Variants in H1-2 observed in about 807,000 individuals in gnomAD.
The protein encoded by H1-2 is histone H1.2.
A neutral mutation model predicts 7.2 loss-of-function variants in H1-2; 7 were observed. The ratio of observed to expected loss-of-function variants is 0.97; its 90% confidence interval spans 0.55 to 1.82. The LOEUF is 1.82. H1-2 is among the 40% of genes most tolerant of loss of function. The pLI, the probability that H1-2 is intolerant of heterozygous loss-of-function variation, is 0.00. For missense variants in H1-2, 703 were observed against 276.6 expected, an observed-to-expected ratio of 2.54 and a Z score of -10.94; for synonymous variants, 300 against 118.2, an observed-to-expected ratio of 2.54 and a Z score of -9.98.
At position 26,055,750 on chromosome 6, in the gene H1-2, G is replaced by A. The variant is rs373098851; in HGVS notation, c.*37C>T. On this transcript the variant is annotated 3_prime_UTR_variant, in exon 1 of 1. Transcript: ENST00000343677. ...TTTTATTGAGATCAGTGGTGGCTCT[G>A]AAAAGAGCCTTTTGGGTTTTAGAAG... 1.3e-6 allele frequency: 2 copies of A among 1,547,542 alleles called. No individual in the cohort carries two copies. Among genetic ancestry groups the A allele is most frequent in the South Asian group, 1.2e-5 (1 of 83,414 alleles).
chr6:26,056,231 C>A lies in H1-2; in HGVS notation c.198G>T (p.Leu66Phe), dbSNP rs778270726. The stretch of plus-strand genomic sequence containing the variant: ...TCTCCACATCATAGCCGGCGGCAGC[C>A]AACGCTTTTTTCAGAGCAGCCAGAG... Reference protein sequence around the residue: ...GVSLAALKKALAAAGYDVEKN... With the variant: ...GVSLAALKKAFAAAGYDVEKN... Residue 66 changes from leucine (L) to phenylalanine (F), a missense_variant, in exon 1 of 1, where the codon TTG becomes TTT. Leu to Phe is a conservative substitution (Grantham distance 22, BLOSUM62 0). Coordinates refer to ENST00000343677, the MANE Select transcript of H1-2 (RefSeq NM_005319.4). The A allele has an allele frequency of 6.2e-7, 1 of 1,614,230 alleles. No individual in the cohort carries two copies. Among genetic ancestry groups the A allele is most frequent in the Non-Finnish European group, 8.5e-7 (1 of 1,180,044 alleles).
In H1-2 at chr6:26,056,211, A is replaced by C. The variant is rs768011457; in HGVS notation, c.218T>G (p.Val73Gly). The C allele has an allele frequency of 1.2e-6, 2 of 1,614,042 alleles. No individual in the cohort carries two copies. The highest frequency in any genetic ancestry group is 2.7e-5 in the African/African-American group (2 of 74,910). The change falls in exon 1 of 1, where the codon GTG becomes GGG. Residue 73 changes from valine to glycine, a missense_variant. By Grantham distance (109) the Val-to-Gly change is moderately radical. Transcript: ENST00000343677. ...TTTGATACGGCTGTTGTTTTTCTCC[A>C]CATCATAGCCGGCGGCAGCCAACGC... ...KKALAAAGYD[V>G]EKNNSRIKLG... is the part of the protein sequence containing the mutation.
Position 26,055,911 on chromosome 6 carries a change from C to T in H1-2, c.518G>A (p.Ser173Asn), listed in dbSNP as rs145521943. 65 of 1,614,068 alleles carry T rather than the reference C, an allele frequency of 4.0e-5. No individual in the cohort carries two copies. Among genetic ancestry groups the T allele is most frequent in the South Asian group, 7.7e-5 (7 of 91,086 alleles). ...AATVTKKVAK[S>N]PKKAKVAKPK... ...CTTCGCAACCTTGGCCTTCTTTGGG[C>T]TCTTAGCCACTTTCTTGGTTACAGT... The change falls in exon 1 of 1, where the codon AGC becomes AAC. Residue 173 changes from serine to asparagine, a missense_variant. By Grantham distance (46) the Ser-to-Asn change is conservative (BLOSUM62 1). Coordinates refer to ENST00000343677, the MANE Select transcript of H1-2 (RefSeq NM_005319.4).
rs1418126999 is a variant in H1-2 at position 26,056,087 on chromosome 6, C to T, written c.342G>A (p.Gly114=). The part of the protein sequence containing the change: ...SFKLNKKAAS[G]EAKPKVKKAG... ...CCTTTTTAACCTTGGGCTTGGCTTCCCCGGAGGCTGCCTTCTTGTTGAGTT... is the reference window on the plus strand; with the variant it reads ...CCTTTTTAACCTTGGGCTTGGCTTCTCCGGAGGCTGCCTTCTTGTTGAGTT... Residue 114 remains glycine (G), a synonymous_variant, in exon 1 of 1, where the codon GGG becomes GGA. Transcript: ENST00000343677. 2 of 1,614,182 alleles carry T rather than the reference C, an allele frequency of 1.2e-6. No homozygotes were observed. The highest frequency in any genetic ancestry group is 1.1e-5 in the South Asian group (1 of 91,086).
rs79208414 is a variant in H1-2 at position 26,056,053 on chromosome 6, T to G, written c.376A>C (p.Thr126Pro). The G allele has an allele frequency of 6.2e-7, 1 of 1,614,140 alleles. No homozygotes were observed. The highest frequency in any genetic ancestry group is 8.5e-7 in the Non-Finnish European group (1 of 1,180,026). ...AKPKVKKAGG[T>P]KPKKPVGAAK... ...GCCCCAACTGGCTTCTTAGGTTTGG[T>G]TCCGCCCGCCTTTTTAACCTTGGGC... is the stretch of plus-strand genomic sequence containing the variant. The change falls in exon 1 of 1, where the codon ACC (threonine) becomes CCC (proline). Residue 126 changes from threonine (T) to proline (P), a missense_variant. Physicochemically the swap from Thr to Pro is conservative, Grantham distance 38. Transcript: ENST00000343677.
rs890992944 is a variant in H1-2, at chr6:26,056,003, A to G, written c.426T>C (p.Ala142=). ...CGCTCTTCTTCGGAGTTGCGCCGCC[A>G]GCCGCCTTCTTGGGCTTCTTGGCTG... The part of the protein sequence containing the change: ...VGAAKKPKKA[A]GGATPKKSAK... The change falls in exon 1 of 1, where the codon GCT becomes GCC. Residue 142 remains alanine (A), a synonymous_variant. Transcript: ENST00000343677. 6.2e-7 allele frequency: 1 copy of G among 1,613,968 alleles called. No homozygotes were observed. Among genetic ancestry groups the G allele is most frequent in the Non-Finnish European group, 8.5e-7 (1 of 1,180,024 alleles).
Position 26,056,068 on chromosome 6 carries a change from T to TA in H1-2, c.360dup (p.Lys121Ter). 1.2e-6 allele frequency: 2 copies of TA among 1,614,200 alleles called. No homozygotes were observed. Among genetic ancestry groups the TA allele is most frequent in the Non-Finnish European group, 1.7e-6 (2 of 1,180,040 alleles). On this transcript the variant is annotated frameshift_variant, in exon 1 of 1. Transcript: ENST00000343677. LOFTEE classifies it high-confidence loss of function. The stretch of plus-strand genomic sequence containing the variant: ...TTAGGTTTGGTTCCGCCCGCCTTTT[T>TA]AACCTTGGGCTTGGCTTCCCCGGAG...
Position 26,056,458 on chromosome 6 carries a change from G to A in H1-2, c.-30C>T, listed in dbSNP as rs376740554. 7.1e-6 allele frequency: 11 copies of A among 1,541,082 alleles called. No individual in the cohort carries two copies. The highest frequency in any genetic ancestry group is 3.8e-5 in the South Asian group (3 of 78,588). Reference sequence around the variant, plus strand: ...AGAATCAAAAACTCGGGTACAAGTGGCAAAGCGCCGATGAAGCAGCGCCTG... The same window carrying A: ...AGAATCAAAAACTCGGGTACAAGTGACAAAGCGCCGATGAAGCAGCGCCTG... On this transcript the variant is annotated 5_prime_UTR_variant, in exon 1 of 1. Coordinates refer to ENST00000343677, the MANE Select transcript of H1-2 (RefSeq NM_005319.4).
rs1172471953 is a variant in H1-2 at position 26,056,115 on chromosome 6, A to T, written c.314T>A (p.Phe105Tyr). 3 of 1,614,128 alleles carry T rather than the reference A, an allele frequency of 1.9e-6. No individual in the cohort carries two copies. The South Asian group carries it at 3.3e-5, about 18-fold the overall frequency. ...GGAGGCTGCCTTCTTGTTGAGTTTAAAGGAGCCAGAAGCACCGGTGCCTTT... is the reference window on the plus strand; with the variant it reads ...GGAGGCTGCCTTCTTGTTGAGTTTATAGGAGCCAGAAGCACCGGTGCCTTT... Reference protein sequence around the residue: ...QTKGTGASGSFKLNKKAASGE... With the variant: ...QTKGTGASGSYKLNKKAASGE... Residue 105 changes from phenylalanine to tyrosine, a missense_variant, in exon 1 of 1, where the codon TTT (phenylalanine) becomes TAT (tyrosine). Physicochemically the swap from Phe to Tyr is conservative, Grantham distance 22. Coordinates refer to ENST00000343677, the MANE Select transcript of H1-2 (RefSeq NM_005319.4).
Position 26,055,979 on chromosome 6 carries a change from G to C in H1-2, c.450C>G (p.Ser150Arg), listed in dbSNP as rs1216443550. Residue 150 changes from serine to arginine, a missense_variant, in exon 1 of 1, where the codon AGC becomes AGG. Ser to Arg is a moderately radical substitution (Grantham distance 110, BLOSUM62 -1). Transcript: ENST00000343677. ...TCGCTTTCTTCGGTGTTTTCTTAGC[G>C]CTCTTCTTCGGAGTTGCGCCGCCAG... ...KAAGGATPKK[S>R]AKKTPKKAKK... The C allele has an allele frequency of 6.2e-7, 1 of 1,613,942 alleles. No homozygotes were observed. The highest frequency in any genetic ancestry group is 8.5e-7 in the Non-Finnish European group (1 of 1,180,000).
In H1-2 at chr6:26,056,437, T is replaced by A. The variant is rs200023478; in HGVS notation, c.-9A>T. On this transcript the variant is annotated 5_prime_UTR_variant, in exon 1 of 1. Coordinates refer to ENST00000343677, the MANE Select transcript of H1-2 (RefSeq NM_005319.4). ...GGAGCAGTCTCGGACATGTTGAGAA[T>A]CAAAAACTCGGGTACAAGTGGCAAA... 8.3e-6 allele frequency: 13 copies of A among 1,559,994 alleles called. No individual in the cohort carries two copies. Among genetic ancestry groups the A allele is most frequent in the Admixed American group, 4.1e-5 (2 of 48,210 alleles).
At position 26,056,448 on chromosome 6, in the gene H1-2, G is replaced by C. The variant is rs778395124; in HGVS notation, c.-20C>G. ...GGACATGTTGAGAATCAAAAACTCG[G>C]GTACAAGTGGCAAAGCGCCGATGAA... is the stretch of plus-strand genomic sequence containing the variant. On this transcript the variant is annotated 5_prime_UTR_variant, in exon 1 of 1. Transcript: ENST00000343677. 1.1e-5 allele frequency: 17 copies of C among 1,548,850 alleles called. No individual in the cohort carries two copies. The highest frequency in any genetic ancestry group is 1.4e-5 in the African/African-American group (1 of 72,320).
chr6:26,056,139 T>G lies in H1-2; in HGVS notation c.290A>C (p.Lys97Thr). 4 of 1,614,216 alleles carry G rather than the reference T, an allele frequency of 2.5e-6. No homozygotes were observed. Among genetic ancestry groups the G allele is most frequent in the Non-Finnish European group, 3.4e-6 (4 of 1,180,024 alleles). The change falls in exon 1 of 1, where the codon AAA becomes ACA. Residue 97 changes from lysine (K) to threonine (T), a missense_variant. By Grantham distance (78) the Lys-to-Thr change is moderately conservative (BLOSUM62 -1). Transcript: ENST00000343677. The stretch of plus-strand genomic sequence containing the variant: ...AAAGGAGCCAGAAGCACCGGTGCCT[T>G]TCGTTTGCACCAGAGTGCCCTTGCT... ...LVSKGTLVQT[K>T]GTGASGSFKL...
chr6:26,055,912 T>C lies in H1-2; in HGVS notation c.517A>G (p.Ser173Gly), dbSNP rs372698981. 5 of 1,614,086 alleles carry C rather than the reference T, an allele frequency of 3.1e-6. No homozygotes were observed. Among genetic ancestry groups the C allele is most frequent in the Non-Finnish European group, 3.4e-6 (4 of 1,180,060 alleles). Residue 173 changes from serine to glycine, a missense_variant, in exon 1 of 1, where the codon AGC becomes GGC. Ser to Gly is a moderately conservative substitution (Grantham distance 56). Transcript: ENST00000343677. ...TTCGCAACCTTGGCCTTCTTTGGGC[T>C]CTTAGCCACTTTCTTGGTTACAGTG... Reference protein sequence around the residue: ...AATVTKKVAKSPKKAKVAKPK... With the variant: ...AATVTKKVAKGPKKAKVAKPK...
In H1-2 at chr6:26,056,087, C is replaced by G. The variant is rs1418126999; in HGVS notation, c.342G>C (p.Gly114=). 3 of 1,614,182 alleles carry G rather than the reference C, an allele frequency of 1.9e-6. No individual in the cohort carries two copies. Among genetic ancestry groups the G allele is most frequent in the Non-Finnish European group, 1.7e-6 (2 of 1,180,034 alleles). ...CCTTTTTAACCTTGGGCTTGGCTTC[C>G]CCGGAGGCTGCCTTCTTGTTGAGTT... ...SFKLNKKAAS[G]EAKPKVKKAG... is the part of the protein sequence containing the mutation. Residue 114 remains glycine (G), a synonymous_variant, in exon 1 of 1, where the codon GGG becomes GGC. Coordinates refer to ENST00000343677, the MANE Select transcript of H1-2 (RefSeq NM_005319.4).
rs534420299 is a variant in H1-2, at chr6:26,055,925, C to A, written c.504G>T (p.Lys168Asn). ...CCTTCTTTGGGCTCTTAGCCACTTTCTTGGTTACAGTGGCCGCGGCCGGCT... is the reference window on the plus strand; with the variant it reads ...CCTTCTTTGGGCTCTTAGCCACTTTATTGGTTACAGTGGCCGCGGCCGGCT... Reference protein sequence around the residue: ...AKKPAAATVTKKVAKSPKKAK... With the variant: ...AKKPAAATVTNKVAKSPKKAK... The change falls in exon 1 of 1, where the codon AAG becomes AAT. Residue 168 changes from lysine to asparagine, a missense_variant. Coordinates refer to ENST00000343677, the MANE Select transcript of H1-2 (RefSeq NM_005319.4). 8.7e-6 allele frequency: 14 copies of A among 1,614,154 alleles called. No homozygotes were observed. The highest frequency in any genetic ancestry group is 6.7e-5 in the East Asian group (3 of 44,876).
rs753880370 is a variant in H1-2 at position 26,056,195 on chromosome 6, G to T, written c.234C>A (p.Ser78Arg). 1.2e-6 allele frequency: 2 copies of T among 1,614,220 alleles called. No individual in the cohort carries two copies. The highest frequency in any genetic ancestry group is 1.7e-5 in the Admixed American group (1 of 60,032). Reference protein sequence around the residue: ...AAGYDVEKNNSRIKLGLKSLV... With the variant: ...AAGYDVEKNNRRIKLGLKSLV... Reference sequence around the variant, plus strand: ...GGCTCTTGAGACCAAGTTTGATACGGCTGTTGTTTTTCTCCACATCATAGC... The same window carrying T: ...GGCTCTTGAGACCAAGTTTGATACGTCTGTTGTTTTTCTCCACATCATAGC... Residue 78 changes from serine (S) to arginine (R), a missense_variant, in exon 1 of 1, where the codon AGC becomes AGA. Physicochemically the swap from Ser to Arg is moderately radical, Grantham distance 110 (BLOSUM62 -1). Coordinates refer to ENST00000343677, the MANE Select transcript of H1-2 (RefSeq NM_005319.4).
In H1-2 at chr6:26,056,359, C is replaced by G; in HGVS notation, c.70G>C (p.Ala24Pro). 5 of 1,613,492 alleles carry G rather than the reference C, an allele frequency of 3.1e-6. No homozygotes were observed. The highest frequency in any genetic ancestry group is 4.2e-6 in the Non-Finnish European group (5 of 1,179,786). Residue 24 changes from alanine to proline, a missense_variant, in exon 1 of 1, where the codon GCG becomes CCG. Ala to Pro is a conservative substitution (Grantham distance 27). Transcript: ENST00000343677. The stretch of plus-strand genomic sequence containing the variant: ...GGCGTACCCCCAGCCTTTTTGGCCG[C>G]CTTCTTCTTTACAGGGGCCTTCTCC... ...PAEKAPVKKK[A>P]AKKAGGTPRK...
In H1-2 at chr6:26,055,815, G is replaced by A. The variant is rs371697388; in HGVS notation, c.614C>T (p.Pro205Leu). 37 of 1,602,510 alleles carry A rather than the reference G, an allele frequency of 2.3e-5. No homozygotes were observed. Among genetic ancestry groups the A allele is most frequent in the Admixed American group, 2.1e-4 (12 of 56,582 alleles). Residue 205 changes from proline (P) to leucine (L), a missense_variant, in exon 1 of 1, where the codon CCT becomes CTT. Coordinates refer to ENST00000343677, the MANE Select transcript of H1-2 (RefSeq NM_005319.4). ...PKAAKPKVVK[P>L]KKAAPKKK The stretch of plus-strand genomic sequence containing the variant: ...TTTCTTCTTGGGCGCCGCCTTCTTA[G>A]GCTTGACAACCTTGGGCTTAGCGGC...
Sources: allele counts gnomAD v4.1 joint callset, GRCh38; gene constraint gnomAD v4.1.1; transcripts MANE v1.5; gene names NCBI Gene and HGNC (gene_info 2026-07-23, HGNC 2026-07-21).